The following RMND5A variants were observed in gnomAD, a reference collection of about 807,000 sequenced individuals.
The protein encoded by RMND5A is E3 ubiquitin-protein transferase RMND5A.
RMND5A carries 17 observed loss-of-function variants against 49.7 expected under a neutral mutation model. The ratio of observed to expected loss-of-function variants is 0.34; its 90% CI spans 0.23 to 0.51. The LOEUF is 0.51. Among genes scored for constraint, RMND5A ranks in the 20% least tolerant of loss-of-function variants. The pLI, the probability that RMND5A is intolerant of heterozygous loss-of-function variation, is 0.96. For synonymous variants in RMND5A, 156 were observed against 167.7 expected (o/e 0.93, Z 0.54); for missense variants, 255 against 471.3 (o/e 0.54, Z 4.25).
chr2:86,749,502 T>G (rs1681596553), intron 2 of RMND5A, among the ~76,000 whole-genome samples: 1 of 152,154 alleles, frequency 6.6e-6, no homozygotes, highest in African/African-American at 2.4e-5. Context: ...GCGATTCTCC[T>G]TCCTCAGCCT....
intron 3 of RMND5A, among the ~76,000 whole-genome samples, chr2:86,752,816 A>G (rs1457932949): frequency 6.6e-6 from 1 of 152,242 alleles, no homozygotes; most frequent in African/African-American, 2.4e-5. Flanking sequence ...ATCAGTCTGT[A>G]AACCAAACCT....
intron 2 of RMND5A, among the ~76,000 whole-genome samples, chr2:86,748,817 A>G (rs981967947): frequency 6.6e-6 from 1 of 152,196 alleles, no homozygotes; most frequent in Non-Finnish European, 1.5e-5. Flanking sequence ...CGTGTCTTCC[A>G]GCGTTGTTTT....
chr2:86,770,943 G>A (rs180775177), intron 7 of RMND5A, among the ~76,000 whole-genome samples: 60 of 152,274 alleles, frequency 3.9e-4, no homozygotes, highest in South Asian at 1.0e-3. Flanking sequence ...GCTAACATAC[G>A]CATTTGTTTT....
In RMND5A at chr2:86,764,180, G is replaced by A. The variant is rs191435672; in HGVS notation, c.522-847G>A. On this transcript the variant is annotated intron_variant, in intron 4 of 8. Coordinates refer to ENST00000283632, the MANE Select transcript of RMND5A (RefSeq NM_022780.4). ...AGTTCAGATTCTAGTGGTCTTTGGTGAATTAGGTTAGGTGGGGAGTATTTG... is the reference window on the plus strand; with the variant it reads ...AGTTCAGATTCTAGTGGTCTTTGGTAAATTAGGTTAGGTGGGGAGTATTTG... 7.5e-3 allele frequency among the ~76,000 whole-genome samples: 1,140 copies of A among 152,298 alleles called. 8 individuals carry two copies. Among genetic ancestry groups the A allele is most frequent in the Non-Finnish European group, 0.013 (903 of 68,014 alleles).
At chr2:86,747,773 C>T (rs1217244243) in intron 2 of RMND5A, among the ~76,000 whole-genome samples, 1 of 152,100 alleles carries the variant, frequency 6.6e-6, no homozygotes, top group Non-Finnish European at 1.5e-5. Context: ...CAGTGAAAGC[C>T]ATTTCCGACT....
Position 86,753,433 on chromosome 2 carries a change from GTTCTTTCT to G in RMND5A, c.421-14_421-7del. The G allele has an allele frequency of 2.1e-6, 3 of 1,421,774 alleles. No homozygotes were observed. The highest frequency in any genetic ancestry group is 2.3e-5 in the South Asian group (2 of 85,184). 88.1% of individuals were successfully genotyped at this position (1,421,774 alleles called of 1,614,324 possible). ...CTTACCCTGATTACTGCTAACAAAA[GTTCTTTCT>G]TTCTTTCTTTTTCCAGGAATCTGGT... On this transcript the variant is annotated splice_polypyrimidine_tract_variant and intron_variant, in intron 3 of 8. Transcript: ENST00000283632.
chr2:86,774,130 T>G lies in RMND5A; in HGVS notation c.*719T>G, dbSNP rs187710633. ...TTTGGTTGGGTTTTTGTTTGTTTGT[T>G]TTTTGTTTTTGCTTTTATTGCCAAG... On this transcript the variant is annotated 3_prime_UTR_variant, in exon 9 of 9. Coordinates refer to ENST00000283632, the MANE Select transcript of RMND5A (RefSeq NM_022780.4). 1.3e-5 allele frequency: 2 copies of G among 152,766 alleles called. No homozygotes were observed. The highest frequency in any genetic ancestry group is 1.3e-4 in the Admixed American group (2 of 15,306). 9.5% of individuals were successfully genotyped at this position (152,766 alleles called of 1,614,324 possible).
chr2:86,753,387 A>G (rs565811360), intron 3 of RMND5A, 71 bp from the exon 4 acceptor site: 2 of 874,046 alleles, frequency 2.3e-6, no homozygotes, highest in Admixed American at 2.0e-5. Context: ...ACAATCTAGA[A>G]TATACTTTTA....
At chr2:86,729,113 T>C (rs1162860442) in intron 1 of RMND5A, among the ~76,000 whole-genome samples, 1 of 152,244 alleles carries the variant, frequency 6.6e-6, no homozygotes, top group Non-Finnish European at 1.5e-5. Flanking sequence ...TACTGGTTTA[T>C]GTTAAATACC....
rs1395659486 is a variant in RMND5A at position 86,720,563 on chromosome 2, G to C, written c.-105G>C. On this transcript the variant is annotated 5_prime_UTR_variant, in exon 1 of 9. Transcript: ENST00000283632. ...CGCCTCGGCCGCCTCAGCCTCCCGC[G>C]CCGCCCGCTTGGGGAACGAGGAGCA... The C allele has an allele frequency of 9.5e-7, 1 of 1,053,458 alleles. No homozygotes were observed. The highest frequency in any genetic ancestry group is 1.8e-5 in the African/African-American group (1 of 56,880). 65.3% of individuals were successfully genotyped at this position (1,053,458 alleles called of 1,614,324 possible).
intron 6 of RMND5A, among the ~76,000 whole-genome samples, chr2:86,767,139 C>T (rs1413435489): frequency 1.3e-5 from 2 of 152,164 alleles, no homozygotes; most frequent in African/African-American, 4.8e-5. Context: ...TCTCAGCTCA[C>T]TGCAGCCTCC....
At chr2:86,766,231 C>A (rs181798448) in intron 6 of RMND5A, among the ~76,000 whole-genome samples, 12 of 152,270 alleles carry the variant, frequency 7.9e-5, no homozygotes, top group African/African-American at 2.4e-4. Context: ...CTCACAGGAT[C>A]CTGAGAGCCT....
chr2:86,748,375 A>C (rs1225129106), intron 2 of RMND5A: 1 of 152,262 alleles, frequency 6.6e-6, no homozygotes, highest in African/African-American at 2.4e-5. Flanking sequence ...CTGGAAAATC[A>C]GAATGGTAGA....
At chr2:86,742,722 T>G (rs1394760195) in intron 2 of RMND5A, among the ~76,000 whole-genome samples, 1 of 151,546 alleles carries the variant, frequency 6.6e-6, no homozygotes, top group African/African-American at 2.4e-5. Flanking sequence ...TGATTCTAAA[T>G]GGCTCAAAGT....
chr2:86,742,803 G>A (rs1681472563), intron 2 of RMND5A, among the ~76,000 whole-genome samples: 1 of 150,002 alleles, frequency 6.7e-6, no homozygotes, highest in Non-Finnish European at 1.5e-5. Flanking sequence ...TATAACAGAA[G>A]GTCAGCATTT....
rs528311416 is a variant in RMND5A, at chr2:86,742,518, A to G, written c.285+1449A>G. On this transcript the variant is annotated intron_variant, in intron 2 of 8. Coordinates refer to ENST00000283632, the MANE Select transcript of RMND5A (RefSeq NM_022780.4). Reference sequence around the variant, plus strand: ...AGTGGTTGTTGGTGTGTATGAGCTTAAGAACTGTGGGAGTGGTGGTGGGAC... The same window carrying G: ...AGTGGTTGTTGGTGTGTATGAGCTTGAGAACTGTGGGAGTGGTGGTGGGAC... 4.1e-5 allele frequency among the ~76,000 whole-genome samples: 6 copies of G among 146,548 alleles called. No homozygotes were observed. In the East Asian group the frequency reaches 1.1e-3, roughly 26 times the overall value.
chr2:86,745,877 A>G (rs1681530687), intron 2 of RMND5A, among the ~76,000 whole-genome samples: 1 of 152,210 alleles, frequency 6.6e-6, no homozygotes, highest in Admixed American at 6.5e-5. Flanking sequence ...TTTTTACTCA[A>G]GAATCTGTTC....
chr2:86,744,088 C>G (rs1681496258), intron 2 of RMND5A, among the ~76,000 whole-genome samples: 1 of 152,044 alleles, frequency 6.6e-6, no homozygotes, highest in Non-Finnish European at 1.5e-5. Flanking sequence ...TCTTTTAGCT[C>G]AGTTCCCTAG....
At chr2:86,750,489 C>G (rs1321784341) in intron 2 of RMND5A, among the ~76,000 whole-genome samples, 1 of 101,144 alleles carries the variant, frequency 9.9e-6, no homozygotes, top group Non-Finnish European at 2.1e-5. Flanking sequence ...AATCATGGTT[C>G]CCCTGTAAGT....
Sources: gnomAD v4.1 joint callset for allele counts (sites outside exome capture counted in the v4.1 genomes callset) on GRCh38, gnomAD v4.1.1 for gene constraint, MANE v1.5 for transcripts, NCBI Gene and HGNC (gene_info 2026-07-23, HGNC 2026-07-21) for gene names.